The following TENM2 variants were observed in gnomAD, a reference collection of about 807,000 sequenced individuals.
The protein encoded by TENM2 is teneurin-2.
Under a neutral mutation model 245.2 loss-of-function variants are expected in TENM2, and 52 were observed. The ratio of observed to expected loss-of-function variants is 0.21; its 90% CI spans 0.17 to 0.27. The LOEUF (loss-of-function observed/expected upper bound fraction) is 0.27, where lower values mean the gene tolerates loss of function less well. TENM2 is among the 10% of genes least tolerant of loss of function. The pLI is 1.00. For synonymous variants in TENM2, 1,363 were observed against 1,438.9 expected (o/e 0.95, Z 1.19); for missense variants, 3,046 against 3,666.8 (o/e 0.83, Z 4.37).
In TENM2 at chr5:167,325,280, A is replaced by T. The variant is rs546775179; in HGVS notation, c.226+40217A>T. On this transcript the variant is annotated intron_variant, in intron 1 of 28. Coordinates refer to ENST00000518659, the Ensembl canonical transcript of TENM2. The stretch of plus-strand genomic sequence containing the variant: ...AGTAAATCACTGAAAATTAGCCGAC[A>T]AGAATTTATACTCATCTATTTAAAT... Among the ~76,000 whole-genome samples, 4 of 152,348 alleles carry T rather than the reference A, an allele frequency of 2.6e-5. No individual in the cohort carries two copies. In the South Asian group the frequency reaches 8.3e-4, roughly 32 times the overall value.
intron 12 of TENM2, among the ~76,000 whole-genome samples, chr5:168,141,324 A>G (rs1755528069): frequency 6.6e-6 from 1 of 152,168 alleles, no homozygotes; most frequent in South Asian, 2.1e-4. Context: ...AATCATTCAC[A>G]TTCTCTGCAT....
At chr5:167,507,356 A>G (rs916606512) in intron 2 of TENM2, among the ~76,000 whole-genome samples, 1 of 152,180 alleles carries the variant, frequency 6.6e-6, no homozygotes, top group Non-Finnish European at 1.5e-5. Context: ...TCGTTCTTGG[A>G]TAGTGTTTTG....
At chr5:167,099,418 G>A in the TENM2 span, among the ~76,000 whole-genome samples, 3 of 152,240 alleles carry the variant, frequency 2.0e-5, no homozygotes, top group East Asian at 3.9e-4. Context: ...AAAACAGGCC[G>A]GGTGCAGTGG....
At chr5:168,162,524 C>T (rs964699286) in intron 12 of TENM2, 87 bp from the exon 15 acceptor site, 21 of 1,439,958 alleles carry the variant, frequency 1.5e-5, no homozygotes, top group South Asian at 6.6e-5. Context: ...GGCTGCCCTG[C>T]GGCCTTGCTC....
At chr5:168,238,609 G>A (rs747128088) in intron 25 of TENM2, among the ~76,000 whole-genome samples, 33 of 152,158 alleles carry the variant, frequency 2.2e-4, no homozygotes, top group Non-Finnish European at 3.4e-4. Context: ...ACTAGCTCCC[G>A]TCATTGCGCC....
intron 2 of TENM2, among the ~76,000 whole-genome samples, chr5:167,764,390 C>A (rs954732809): frequency 6.6e-6 from 1 of 152,102 alleles, no homozygotes; most frequent in African/African-American, 2.4e-5. Flanking sequence ...ATTAACTTAG[C>A]AATTTAATTT....
intron 2 of TENM2, among the ~76,000 whole-genome samples, chr5:167,547,026 G>A (rs867327427): frequency 3.3e-5 from 5 of 152,100 alleles, no homozygotes; most frequent in African/African-American, 4.8e-5. Context: ...ATTCCAGTGC[G>A]ACTTAAACTT....
chr5:168,128,469 G>C (rs1310199530), intron 12 of TENM2, among the ~76,000 whole-genome samples: 1 of 152,150 alleles, frequency 6.6e-6, no homozygotes, highest in South Asian at 2.1e-4. Flanking sequence ...CCAATCATCA[G>C]CGTTGAGGTG....
intron 5 of TENM2, among the ~76,000 whole-genome samples, chr5:168,026,656 T>C (rs935506470): frequency 6.6e-6 from 1 of 152,204 alleles, no homozygotes; most frequent in Non-Finnish European, 1.5e-5. Flanking sequence ...AGCACAGCTA[T>C]GTTACTTAAC....
chr5:167,669,716 G>A (rs188959392), intron 2 of TENM2, among the ~76,000 whole-genome samples: 3 of 152,236 alleles, frequency 2.0e-5, no homozygotes, highest in Admixed American at 2.0e-4. Context: ...ACTGGGGACA[G>A]ACGGCAGGGT....
chr5:167,462,871 G>A (rs1766407779), intron 2 of TENM2, among the ~76,000 whole-genome samples: 3 of 151,980 alleles, frequency 2.0e-5, no homozygotes, highest in Admixed American at 6.5e-5. Flanking sequence ...TGGAGCGTTT[G>A]CTGGAGAACC....
At chr5:167,186,474 A>G in the TENM2 span, among the ~76,000 whole-genome samples, 2 of 152,206 alleles carry the variant, frequency 1.3e-5, no homozygotes, top group Non-Finnish European at 2.9e-5. Flanking sequence ...TGCTGAAGCG[A>G]AGAAAGAATC....
intron 2 of TENM2, among the ~76,000 whole-genome samples, chr5:167,604,524 A>G (rs897794412): frequency 4.0e-4 from 61 of 152,316 alleles, no homozygotes; most frequent in African/African-American, 1.4e-3. Context: ...TGATCTAAGT[A>G]TCTGGTAGGT....
intron 5 of TENM2, among the ~76,000 whole-genome samples, chr5:168,045,099 AG>A (rs1179285767): frequency 2.0e-5 from 3 of 152,192 alleles, no homozygotes; most frequent in Non-Finnish European, 2.9e-5. Context: ...TTCTTTTGGA[AG>A]GACAGGTCTC....
intron 1 of TENM2, among the ~76,000 whole-genome samples, chr5:167,286,095 C>G (rs935055951): frequency 6.6e-6 from 1 of 152,130 alleles, no homozygotes; most frequent in Admixed American, 6.5e-5. Flanking sequence ...ACTATGCCCA[C>G]GGTTTATAAA....
At chr5:167,191,727 G>T in the TENM2 span, among the ~76,000 whole-genome samples, 2 of 152,010 alleles carry the variant, frequency 1.3e-5, no homozygotes, top group African/African-American at 2.4e-5. Flanking sequence ...AACCACATTA[G>T]GGGTGATCTA....
chr5:167,690,860 T>C (rs758345781), intron 2 of TENM2, among the ~76,000 whole-genome samples: 8 of 151,946 alleles, frequency 5.3e-5, no homozygotes, highest in Non-Finnish European at 1.2e-4. Flanking sequence ...TGTTTGTATA[T>C]ATGTATGTAC....
chr5:167,680,330 A>G (rs1274666936), intron 2 of TENM2, among the ~76,000 whole-genome samples: 1 of 151,938 alleles, frequency 6.6e-6, no homozygotes, highest in Admixed American at 6.6e-5. Context: ...AAAAATCCCT[A>G]AGAAAGAGTT....
chr5:167,789,989 A>C (rs1372860856), intron 2 of TENM2, among the ~76,000 whole-genome samples: 1 of 152,222 alleles, frequency 6.6e-6, no homozygotes, highest in African/African-American at 2.4e-5. Context: ...ATCCCATTAG[A>C]GTTTACAGAT....
Sources: allele counts gnomAD v4.1 joint callset (sites outside exome capture counted in the v4.1 genomes callset), GRCh38; gene constraint gnomAD v4.1.1; transcripts MANE v1.5; gene names NCBI Gene and HGNC (gene_info 2026-07-23, HGNC 2026-07-21).